FSHR: variants seen among roughly 807,000 people sequenced by gnomAD.
FSHR encodes the protein follicle-stimulating hormone receptor.
In FSHR, 46 loss-of-function variants were observed where a neutral mutation model predicts 52.1. The observed-to-expected ratio is 0.88, with a 90% confidence interval of 0.70 to 1.13. FSHR has a LOEUF of 1.13. Among genes scored for constraint, FSHR ranks in the 50% most tolerant of loss-of-function variants. The pLI, the probability that FSHR is intolerant of heterozygous loss-of-function variation, is 0.00. For missense variants in FSHR, 964 were observed against 834.6 expected (o/e 1.16, Z -1.91); for synonymous variants, 399 against 309.6 (o/e 1.29, Z -3.03).
intron 1 of FSHR, among the ~76,000 whole-genome samples, chr2:49,119,004 A>G (rs775647717): frequency 2.0e-5 from 3 of 152,116 alleles, no homozygotes; most frequent in Non-Finnish European, 2.9e-5. Flanking sequence ...CCTTCTTGTG[A>G]TGGTGTCAAG....
chr2:48,998,486 T>G (rs1260652613), intron 4 of FSHR, among the ~76,000 whole-genome samples: 2 of 152,074 alleles, frequency 1.3e-5, no homozygotes, highest in African/African-American at 4.8e-5. Context: ...TATAAAAAAT[T>G]CAACATATTC....
chr2:49,108,215 AT>A (rs1558445552), intron 1 of FSHR, among the ~76,000 whole-genome samples: 1 of 152,026 alleles, frequency 6.6e-6, no homozygotes, highest in Admixed American at 6.6e-5. Context: ...ACACCATCGA[AT>A]CCCCTGCTTC....
intron 1 of FSHR, among the ~76,000 whole-genome samples, chr2:49,074,138 T>A (rs1669859294): frequency 6.6e-6 from 1 of 152,056 alleles, no homozygotes; most frequent in South Asian, 2.1e-4. Flanking sequence ...AAAGGTTTTA[T>A]GAGTAAGACT....
intron 1 of FSHR, among the ~76,000 whole-genome samples, chr2:49,072,666 A>G (rs1669780288): frequency 6.6e-6 from 1 of 152,126 alleles, no homozygotes; most frequent in East Asian, 1.9e-4. Context: ...ATATTAGATA[A>G]AGTTTAATCT....
chr2:49,017,419 TA>T (rs1208068536), intron 4 of FSHR, 69 bp downstream of exon 4: 1 of 1,159,812 alleles, frequency 8.6e-7, no homozygotes, highest in Non-Finnish European at 1.3e-6. Flanking sequence ...GAGTATCAAG[TA>T]GGCCTTTTAG....
chr2:48,993,561 C>G (rs1225123159), intron 4 of FSHR, among the ~76,000 whole-genome samples: 2 of 152,166 alleles, frequency 1.3e-5, no homozygotes, highest in Non-Finnish European at 2.9e-5. Context: ...CTTTTCCAAT[C>G]CATTCTCCAT....
chr2:49,118,932 T>C (rs1479903972), intron 1 of FSHR, among the ~76,000 whole-genome samples: 1 of 152,252 alleles, frequency 6.6e-6, no homozygotes, highest in Non-Finnish European at 1.5e-5. Context: ...TTCTTGACTA[T>C]GTACTTTTTG....
chr2:49,040,524 T>G (rs1212880498), intron 2 of FSHR, among the ~76,000 whole-genome samples: 1 of 152,214 alleles, frequency 6.6e-6, no homozygotes, highest in African/African-American at 2.4e-5. Flanking sequence ...AGGTTGTCTG[T>G]GGCATCTGGT....
chr2:49,087,103 A>G (rs1384906206), intron 1 of FSHR, among the ~76,000 whole-genome samples: 2 of 56,514 alleles, frequency 3.5e-5, no homozygotes, highest in Admixed American at 2.0e-4. Flanking sequence ...TTTTTTACAA[A>G]GCTACTTCTA....
chr2:49,073,573 A>C (rs2103633023), intron 1 of FSHR, among the ~76,000 whole-genome samples: 1 of 152,184 alleles, frequency 6.6e-6, no homozygotes, highest in East Asian at 1.9e-4. Context: ...AAGACATCCC[A>C]TGTTCATGGA....
chr2:49,116,799 T>A (rs767332243), intron 1 of FSHR, among the ~76,000 whole-genome samples: 5 of 152,180 alleles, frequency 3.3e-5, no homozygotes, highest in Non-Finnish European at 5.9e-5. Context: ...CAAATCAGGG[T>A]TCTTAGTGTA....
intron 2 of FSHR, chr2:49,059,480 C>T (rs1240719088): frequency 6.6e-6 from 1 of 151,906 alleles, no homozygotes; most frequent in Non-Finnish European, 1.5e-5. Context: ...ATGCACGTAT[C>T]TATAGCCAAC....
At chr2:49,143,911 C>T (rs1169493613) in intron 1 of FSHR, among the ~76,000 whole-genome samples, 2 of 151,908 alleles carry the variant, frequency 1.3e-5, no homozygotes, top group Non-Finnish European at 2.9e-5. Flanking sequence ...GGGTGGAAAT[C>T]GGGTAAAATG....
intron 2 of FSHR, among the ~76,000 whole-genome samples, chr2:49,054,590 A>G (rs1373068643): frequency 6.6e-6 from 1 of 152,162 alleles, no homozygotes; most frequent in East Asian, 1.9e-4. Context: ...CATGCCTCTG[A>G]TCAAAGTAAT....
intron 8 of FSHR, among the ~76,000 whole-genome samples, chr2:48,974,630 T>C (rs986592082): frequency 6.6e-6 from 1 of 152,232 alleles, no homozygotes; most frequent in Admixed American, 6.5e-5. Flanking sequence ...AGGTGTTTAC[T>C]TAAAGCTTAC....
intron 1 of FSHR, among the ~76,000 whole-genome samples, chr2:49,119,999 G>A (rs763213028): frequency 1.3e-5 from 2 of 152,212 alleles, no homozygotes; most frequent in African/African-American, 2.4e-5. Context: ...GCTGGGCATC[G>A]TGGCTCACAC....
At chr2:49,048,916 T>C (rs1668755323) in intron 2 of FSHR, among the ~76,000 whole-genome samples, 1 of 152,200 alleles carries the variant, frequency 6.6e-6, no homozygotes, top group African/African-American at 2.4e-5. Context: ...TTGAATCTTT[T>C]ACTGTTTAAA....
intron 4 of FSHR, among the ~76,000 whole-genome samples, chr2:48,993,904 G>A (rs1239846702): frequency 6.6e-6 from 1 of 152,102 alleles, no homozygotes; most frequent in Non-Finnish European, 1.5e-5. Flanking sequence ...CTCCATATAT[G>A]CTAAACTAAA....
intron 9 of FSHR, among the ~76,000 whole-genome samples, chr2:48,966,334 T>C (rs959763941): frequency 1.3e-5 from 2 of 152,160 alleles, no homozygotes; most frequent in African/African-American, 4.8e-5. Context: ...CTTCACAACA[T>C]TGAGTTGTGA....
Sources: allele counts gnomAD v4.1 joint callset (sites outside exome capture counted in the v4.1 genomes callset), GRCh38; gene constraint gnomAD v4.1.1; transcripts MANE v1.5; gene names NCBI Gene and HGNC (gene_info 2026-07-23, HGNC 2026-07-21).